Variants in ULK2 observed in about 807,000 individuals in gnomAD.
ULK2 encodes unc-51 like autophagy activating kinase 2, also known as serine/threonine-protein kinase ULK2.
In ULK2, 76 loss-of-function variants were observed where a neutral mutation model predicts 127.5. The ratio of observed to expected loss-of-function variants is 0.60; its 90% CI spans 0.50 to 0.72. The LOEUF is 0.72. Ranked by LOEUF, ULK2 falls within the 30% of genes least tolerant of loss-of-function variation. The probability of loss-of-function intolerance (pLI) is 0.00; values close to 1 mark genes in which losing one functional copy is unlikely to be tolerated. For synonymous variants in ULK2, 452 were observed against 461.9 expected (o/e 0.98, Z 0.28); for missense variants, 1,144 against 1,295.9 (o/e 0.88, Z 1.80).
At chr17:19,824,946 C>G in intron 12 of ULK2, 148 bp downstream of exon 12, 2 of 771,482 alleles carry the variant, frequency 2.6e-6, no homozygotes, top group South Asian at 3.8e-5. Flanking sequence ...TCCATTTGAC[C>G]CAACTATCAT....
intron 26 of ULK2, 94 bp from the exon 27 acceptor site, chr17:19,776,501 A>G (rs1416401344): frequency 4.4e-6 from 5 of 1,130,764 alleles, no homozygotes; most frequent in African/African-American, 1.6e-5. Flanking sequence ...ACAGTTCTGA[A>G]TATGTTTTCT....
At chr17:19,803,839 G>A (rs117422125) in intron 15 of ULK2, among the ~76,000 whole-genome samples, 2,658 of 152,284 alleles carry the variant, frequency 0.017, 40 homozygotes, top group South Asian at 0.035. Flanking sequence ...TGTAGACTAT[G>A]TCCATGACAT....
At chr17:19,855,815 A>G (rs2042115138) in intron 3 of ULK2, 1 of 152,184 alleles carries the variant, frequency 6.6e-6, no homozygotes. Context: ...CATTGATACC[A>G]ACATTCTTTC....
intron 10 of ULK2, among the ~76,000 whole-genome samples, chr17:19,831,814 A>G (rs1157480821): frequency 6.6e-6 from 1 of 152,010 alleles, no homozygotes; most frequent in East Asian, 1.9e-4. Context: ...GCGACAGAGC[A>G]AGACTCTGTC....
At chr17:19,844,352 A>T (rs1196406001) in intron 7 of ULK2, among the ~76,000 whole-genome samples, 7 of 152,018 alleles carry the variant, frequency 4.6e-5, no homozygotes, top group Non-Finnish European at 7.4e-5. Flanking sequence ...CTGGCCATGA[A>T]CGCCTGAGAA....
At position 19,771,028 on chromosome 17, in the gene ULK2, G is replaced by A. The variant is rs867810275; in HGVS notation, c.*5321C>T. On this transcript the variant is annotated 3_prime_UTR_variant, in exon 27 of 27. Coordinates refer to ENST00000395544, the MANE Select transcript of ULK2 (RefSeq NM_014683.4). ...CAGATGGGTCCAGCAGGAGACATTG[G>A]AGCACCAAATGGAAAAGCTCTTCCT... 11 of 152,156 alleles carry A rather than the reference G, an allele frequency of 7.2e-5. No homozygotes were observed. The highest frequency in any genetic ancestry group is 1.3e-4 in the Admixed American group (2 of 15,276). The allele number at this position is 152,156 out of a possible 1,614,324, so 9.4% of individuals were successfully genotyped here. A position where few individuals can be genotyped will look rare whatever the true frequency, so the allele number is the denominator to read the frequency against.
At chr17:19,839,518 G>T (rs571844512) in intron 9 of ULK2, among the ~76,000 whole-genome samples, 126 of 147,342 alleles carry the variant, frequency 8.6e-4, no homozygotes, top group African/African-American at 3.0e-3. Context: ...TACAAAAATT[G>T]GCCGGTGTGG....
rs373676849 is a variant in ULK2 at position 19,840,714 on chromosome 17, TA to T, written c.704+774del. Reference sequence around the variant, plus strand: ...CAACATGGTGAAACTCCGTGTCCACTAAAAAAAAAAAAAAAAATACAAAAAT... The same window carrying T: ...CAACATGGTGAAACTCCGTGTCCACTAAAAAAAAAAAAAAAATACAAAAAT... On this transcript the variant is annotated intron_variant, in intron 9 of 26. Coordinates refer to ENST00000395544, the MANE Select transcript of ULK2 (RefSeq NM_014683.4). Among the ~76,000 whole-genome samples the T allele has an allele frequency of 9.0e-3, 1,090 of 121,080 alleles. 1 individual carries two copies. Among genetic ancestry groups the T allele is most frequent in the African/African-American group, 0.012 (394 of 32,530 alleles). 79.4% of individuals were successfully genotyped at this position (121,080 alleles called of 152,430 possible). A position where few individuals can be genotyped will look rare whatever the true frequency, so the allele number is the denominator to read the frequency against.
At chr17:19,811,624 TAG>T (rs1418778760) in intron 13 of ULK2, among the ~76,000 whole-genome samples, 1 of 151,980 alleles carries the variant, frequency 6.6e-6, no homozygotes, top group Non-Finnish European at 1.5e-5. Context: ...GTATTTTTAG[TAG>T]AGACAGGGTT....
chr17:19,810,321 T>A lies in ULK2; in HGVS notation c.1157+57A>T. ...TCAAGAACACTAAGTTCTATAACCTTACTCACAAAAATAAAATATAAAACA... is the reference window on the plus strand; with the variant it reads ...TCAAGAACACTAAGTTCTATAACCTAACTCACAAAAATAAAATATAAAACA... On this transcript the variant is annotated intron_variant, in intron 14 of 26. Coordinates refer to ENST00000395544, the MANE Select transcript of ULK2 (RefSeq NM_014683.4). The A allele has an allele frequency of 2.7e-6, 3 of 1,096,766 alleles. No homozygotes were observed. In the African/African-American group the frequency reaches 4.9e-5, roughly 18 times the overall value. The allele number at this position is 1,096,766 out of a possible 1,614,324, so 67.9% of individuals were successfully genotyped here.
At chr17:19,843,739 A>G (rs866328547) in intron 7 of ULK2, among the ~76,000 whole-genome samples, 4 of 151,150 alleles carry the variant, frequency 2.6e-5, no homozygotes, top group African/African-American at 4.9e-5. Flanking sequence ...GCTCACTGCA[A>G]CCTCCACCTC....
At chr17:19,822,790 G>C (rs750974099) in intron 12 of ULK2, among the ~76,000 whole-genome samples, 1 of 152,032 alleles carries the variant, frequency 6.6e-6, no homozygotes, top group Non-Finnish European at 1.5e-5. Flanking sequence ...GGGTTCAAGC[G>C]ATTCTCCTGC....
intron 17 of ULK2, 125 bp from the exon 18 acceptor site, chr17:19,797,807 T>A: frequency 1.1e-6 from 1 of 951,064 alleles, no homozygotes; most frequent in Non-Finnish European, 1.4e-6. Context: ...TAAGACATTC[T>A]AAAAGTGATT....
In ULK2 at chr17:19,810,427, C is replaced by T. The variant is rs150122; in HGVS notation, c.1108G>A (p.Val370Met). The T allele has an allele frequency of 0.95, 1,529,835 of 1,605,276 alleles. 730,333 individuals are homozygous for T. Among genetic ancestry groups the T allele is most frequent in the Middle Eastern group, 0.97 (5,867 of 6,040 alleles). ...ISSDHSCDMPVGTAGRRASNE... is the reference protein window; with the variant it reads ...ISSDHSCDMPMGTAGRRASNE... ...GAAGCACGTCTGCCAGCAGTCCCCA[C>T]TGGCATATCACCTAAAGGAGAGAAA... The change falls in exon 14 of 27, where the codon GTG becomes ATG. Residue 370 changes from valine to methionine, a missense_variant. Physicochemically the swap from Val to Met is conservative, Grantham distance 21. This residue lies in a region of ULK2 where 913 missense variants were observed against 970.5 expected (regional missense o/e 0.94). Coordinates refer to ENST00000395544, the MANE Select transcript of ULK2 (RefSeq NM_014683.4).
chr17:19,776,191 T>A lies in ULK2; in HGVS notation c.*158A>T. On this transcript the variant is annotated 3_prime_UTR_variant, in exon 27 of 27. Coordinates refer to ENST00000395544, the MANE Select transcript of ULK2 (RefSeq NM_014683.4). ...GCAGATTTCCTACAAATATGTAGTT[T>A]TTGGATTGTTTTTCCTTTTTCAAAT... 1.7e-6 allele frequency: 1 copy of A among 595,200 alleles called. No individual in the cohort carries two copies. The highest frequency in any genetic ancestry group is 2.8e-6 in the Non-Finnish European group (1 of 355,666). The allele number at this position is 595,200 out of a possible 1,614,324, so 36.9% of individuals were successfully genotyped here. A position where few individuals can be genotyped will look rare whatever the true frequency, so the allele number is the denominator to read the frequency against.
At chr17:19,809,732 CAAAAAAAA>C (rs369486144) in intron 14 of ULK2, among the ~76,000 whole-genome samples, 2 of 90,500 alleles carry the variant, frequency 2.2e-5, no homozygotes, top group African/African-American at 9.7e-5. Context: ...GACTCCGTCT[CAAAAAAAA>C]AAAAAAAAAA....
intron 9 of ULK2, chr17:19,840,148 T>G (rs1259118495): frequency 4.6e-6 from 2 of 437,090 alleles, no homozygotes; most frequent in Non-Finnish European, 9.3e-6. Flanking sequence ...AAGTATACTC[T>G]ATCACGCCTG....
At position 19,774,850 on chromosome 17, in the gene ULK2, T is replaced by C. The variant is rs2086787912; in HGVS notation, c.*1499A>G. 6.6e-6 allele frequency: 1 copy of C among 152,622 alleles called. No homozygotes were observed. Among genetic ancestry groups the C allele is most frequent in the Non-Finnish European group, 1.5e-5 (1 of 68,034 alleles). 9.5% of individuals were successfully genotyped at this position (152,622 alleles called of 1,614,324 possible). A position where few individuals can be genotyped will look rare whatever the true frequency, so the allele number is the denominator to read the frequency against. On this transcript the variant is annotated 3_prime_UTR_variant, in exon 27 of 27. Coordinates refer to ENST00000395544, the MANE Select transcript of ULK2 (RefSeq NM_014683.4). Reference sequence around the variant, plus strand: ...GAGTTTTACCTAGTTTCAAGAATAATGCATGCAGTTACAAATGAGAGGTAG... The same window carrying C: ...GAGTTTTACCTAGTTTCAAGAATAACGCATGCAGTTACAAATGAGAGGTAG...
chr17:19,838,104 T>A (rs1001766761), intron 10 of ULK2, among the ~76,000 whole-genome samples: 4 of 152,150 alleles, frequency 2.6e-5, no homozygotes, highest in Non-Finnish European at 5.9e-5. Flanking sequence ...CTCACTCTCA[T>A]TTCAAGTCAA....
Sources: allele counts gnomAD v4.1 joint callset (sites outside exome capture counted in the v4.1 genomes callset), GRCh38; gene constraint gnomAD v4.1.1; regional missense constraint gnomAD v4.1.1; transcripts MANE v1.5; gene names NCBI Gene and HGNC (gene_info 2026-07-23, HGNC 2026-07-21).